Variants in ERAP2 observed in about 807,000 individuals in gnomAD.
The protein encoded by ERAP2 is leukocyte-derived arginine aminopeptidase.
In ERAP2, 118 loss-of-function variants were observed where a neutral mutation model predicts 111.1. The observed-to-expected ratio is 1.06, with a 90% confidence interval of 0.92 to 1.24. The LOEUF (loss-of-function observed/expected upper bound fraction) is 1.24. Among genes scored for constraint, ERAP2 ranks in the 50% most tolerant of loss-of-function variants. The pLI is 0.00. For synonymous variants in ERAP2, 410 were observed against 401.2 expected (o/e 1.02, Z -0.26); for missense variants, 1,131 against 1,125.8 (o/e 1.00, Z -0.07).
At chr5:96,909,491 A>G in intron 14 of ERAP2, 89 bp from the exon 15 acceptor site, 2 of 973,378 alleles carry the variant, frequency 2.1e-6, no homozygotes, top group Non-Finnish European at 3.2e-6. Context: ...AAAGATGCAG[A>G]AAGTTTAGAG....
chr5:96,903,673 G>T, intron 13 of ERAP2, 113 bp downstream of exon 13: 14 of 999,536 alleles, frequency 1.4e-5, no homozygotes, highest in Non-Finnish European at 2.0e-5. Flanking sequence ...GGATTTGAAT[G>T]GAATTCAAAC....
intron 3 of ERAP2, 104 bp downstream of exon 3, chr5:96,884,034 TTATCTATCTATCTATCTATCTATCTATC>T: frequency 1.7e-6 from 1 of 602,976 alleles, no homozygotes. Context: ...TAATTTGTTT[TTATCTATCTATCTATCTATCTATCTATC>T]TATCTATCTA....
rs993832966 is a variant in ERAP2 at position 96,916,640 on chromosome 5, A to AT, written c.2740-813dup. ...CACCATGCCCACCTAATTTTTTTGT[A>AT]TTTTTTTTTAGTAGAGATGGGGTTT... is the stretch of plus-strand genomic sequence containing the variant. On this transcript the variant is annotated intron_variant, in intron 18 of 18. Transcript: ENST00000437043. Among the ~76,000 whole-genome samples the AT allele has an allele frequency of 1.6e-4, 24 of 147,308 alleles. No individual in the cohort carries two copies. In the East Asian group the frequency reaches 1.8e-3, roughly 11 times the overall value.
chr5:96,884,468 G>T (rs1232160714), intron 3 of ERAP2, among the ~76,000 whole-genome samples: 2 of 151,894 alleles, frequency 1.3e-5, no homozygotes, highest in African/African-American at 4.8e-5. Context: ...AGAAGTCTAT[G>T]ATGGAACTTA....
Position 96,890,640 on chromosome 5 carries a change from T to A in ERAP2, c.970+1335T>A, listed in dbSNP as rs531161943. Reference sequence around the variant, plus strand: ...ACTTCTTATCCTGTCCTTTTTCGCCTCTTGCCCTCAACTCCAATGCATTTT... The same window carrying A: ...ACTTCTTATCCTGTCCTTTTTCGCCACTTGCCCTCAACTCCAATGCATTTT... On this transcript the variant is annotated intron_variant, in intron 5 of 18. Transcript: ENST00000437043. Among the ~76,000 whole-genome samples, 86 of 152,332 alleles carry A rather than the reference T, an allele frequency of 5.6e-4. 1 individual carries two copies. The highest frequency in any genetic ancestry group is 7.8e-4 in the Admixed American group (12 of 15,298).
At chr5:96,891,367 A>ATG (rs72107567) in intron 5 of ERAP2, among the ~76,000 whole-genome samples, 5 of 146,044 alleles carry the variant, frequency 3.4e-5, no homozygotes, top group Admixed American at 6.8e-5. Flanking sequence ...GTATATATAT[A>ATG]TGTGTATATA....
At chr5:96,898,468 G>A (rs1785092046) in intron 9 of ERAP2, among the ~76,000 whole-genome samples, 1 of 151,564 alleles carries the variant, frequency 6.6e-6, no homozygotes, top group East Asian at 1.9e-4. Context: ...TAGGCCTGGT[G>A]CGGTGGCTCA....
intron 13 of ERAP2, among the ~76,000 whole-genome samples, chr5:96,908,002 G>A (rs531736732): frequency 5.0e-4 from 76 of 152,318 alleles, no homozygotes; most frequent in African/African-American, 1.7e-3. Flanking sequence ...AAAGCAGCAA[G>A]TCATCGTGAT....
intron 17 of ERAP2, among the ~76,000 whole-genome samples, chr5:96,914,428 C>T (rs1344936907): frequency 6.6e-6 from 1 of 152,158 alleles, no homozygotes; most frequent in Admixed American, 6.5e-5. Flanking sequence ...GAGTTGACGT[C>T]CACATGAGAC....
rs749176795 is a variant in ERAP2, at chr5:96,908,956, T to C, written c.2013-5T>C. The stretch of plus-strand genomic sequence containing the variant: ...CAAACCACTGACATTTGTTTTATAC[T>C]TCAGTGCAGGGAGACTGACCCTAGA... On this transcript the variant is annotated splice_region_variant and splice_polypyrimidine_tract_variant and intron_variant, in intron 13 of 18. Coordinates refer to ENST00000437043, the MANE Select transcript of ERAP2 (RefSeq NM_022350.5). 1.9e-5 allele frequency: 30 copies of C among 1,612,474 alleles called. No individual in the cohort carries two copies. Among genetic ancestry groups the C allele is most frequent in the Non-Finnish European group, 2.5e-5 (29 of 1,179,396 alleles).
intron 2 of ERAP2, chr5:96,881,398 T>C (rs1783116182): frequency 2.2e-6 from 1 of 455,980 alleles, no homozygotes; most frequent in Admixed American, 2.4e-5. Flanking sequence ...ATATTGGTCA[T>C]GTGAGGTGAG....
At chr5:96,888,176 T>A (rs4869313) in intron 4 of ERAP2, among the ~76,000 whole-genome samples, 1 of 151,006 alleles carries the variant, frequency 6.6e-6, no homozygotes, top group Non-Finnish European at 1.5e-5. Context: ...AAGAAAAATC[T>A]GTATAAAGTA....
At chr5:96,906,550 G>A (rs981690871) in intron 13 of ERAP2, among the ~76,000 whole-genome samples, 2 of 152,194 alleles carry the variant, frequency 1.3e-5, no homozygotes, top group Non-Finnish European at 2.9e-5. Context: ...TTACAGGTGT[G>A]AGCCACTGCA....
intron 9 of ERAP2, among the ~76,000 whole-genome samples, chr5:96,898,865 A>T (rs1423107037): frequency 6.6e-6 from 1 of 152,130 alleles, no homozygotes; most frequent in Non-Finnish European, 1.5e-5. Flanking sequence ...TCTCAGCACC[A>T]AGTATTGTGT....
At chr5:96,904,213 G>A (rs534964398) in intron 13 of ERAP2, among the ~76,000 whole-genome samples, 2 of 152,288 alleles carry the variant, frequency 1.3e-5, no homozygotes, top group South Asian at 2.1e-4. Context: ...AGGACAAAGT[G>A]TTTTCTTTCT....
rs776781250 is a variant in ERAP2, at chr5:96,909,003, C to T, written c.2055C>T (p.Tyr685=). The change falls in exon 14 of 19, where the codon TAC becomes TAT. Residue 685 remains tyrosine (Y), a synonymous_variant. Coordinates refer to ENST00000437043, the MANE Select transcript of ERAP2 (RefSeq NM_022350.5). ...TAGACAAAGCTCTTGACATGACTTA[C>T]TACCTCCAACATGAAACAAGCAGCC... ...LTLDKALDMT[Y]YLQHETSSPA... 3 of 1,614,164 alleles carry T rather than the reference C, an allele frequency of 1.9e-6. No homozygotes were observed. Among genetic ancestry groups the T allele is most frequent in the Admixed American group, 1.7e-5 (1 of 60,022 alleles).
intron 11 of ERAP2, 131 bp downstream of exon 11, chr5:96,901,812 G>A: frequency 1.2e-6 from 1 of 864,434 alleles, no homozygotes; most frequent in Non-Finnish European, 1.7e-6. Context: ...GCCTAAAGTA[G>A]ACTTGATAAG....
chr5:96,883,497 G>A (rs761742488), intron 2 of ERAP2, among the ~76,000 whole-genome samples: 11 of 152,148 alleles, frequency 7.2e-5, no homozygotes, highest in East Asian at 1.9e-4. Flanking sequence ...TACTGGCTGC[G>A]GATCCTGCTA....
Position 96,889,279 on chromosome 5 carries a change from A to C in ERAP2, c.944A>C (p.Asp315Ala). Residue 315 changes from aspartate to alanine, a missense_variant, in exon 5 of 19, where the codon GAT (aspartate) becomes GCT (alanine). Physicochemically the swap from Asp to Ala is moderately radical, Grantham distance 126. This residue lies in a region of ERAP2 where 847 missense variants were observed against 856.5 expected (regional missense o/e 0.99). Transcript: ENST00000437043. ...KLLDFYEKYF[D>A]IYYPLSKLDL... Reference sequence around the variant, plus strand: ...CTTGATTTTTATGAAAAGTACTTTGATATCTACTATCCACTCTCCAAACTG... The same window carrying C: ...CTTGATTTTTATGAAAAGTACTTTGCTATCTACTATCCACTCTCCAAACTG... The C allele has an allele frequency of 6.2e-7, 1 of 1,613,966 alleles. No individual in the cohort carries two copies. Among genetic ancestry groups the C allele is most frequent in the Admixed American group, 1.7e-5 (1 of 60,018 alleles).
Sources: allele counts gnomAD v4.1 joint callset (sites outside exome capture counted in the v4.1 genomes callset), GRCh38; gene constraint gnomAD v4.1.1; regional missense constraint gnomAD v4.1.1; transcripts MANE v1.5; gene names NCBI Gene and HGNC (gene_info 2026-07-23, HGNC 2026-07-21).